The following DRC11 variants were observed in gnomAD, a reference collection of about 807,000 sequenced individuals.
DRC11 encodes the protein IQ and AAA domain-containing protein 1.
At chr2:236,329,397 G>A in the DRC11 span, among the ~76,000 whole-genome samples, 2 of 152,176 alleles carry the variant, frequency 1.3e-5, no homozygotes, top group Non-Finnish European at 2.9e-5. Flanking sequence ...AAATGAGTCA[G>A]TACAGTGGCT....
At chr2:236,407,709 C>T in the DRC11 span, 1 of 265,510 alleles carries the variant, frequency 3.8e-6, no homozygotes, top group East Asian at 9.9e-5. Context: ...ATCATTTCCC[C>T]CCTGTGATCC....
the DRC11 span, among the ~76,000 whole-genome samples, chr2:236,357,995 TG>T: frequency 6.0e-5 from 7 of 116,042 alleles, no homozygotes; most frequent in South Asian, 2.6e-4. Context: ...TAAATATATA[TG>T]AATATATATT....
At chr2:236,422,337 C>T in the DRC11 span, among the ~76,000 whole-genome samples, 1 of 152,204 alleles carries the variant, frequency 6.6e-6, no homozygotes, top group Non-Finnish European at 1.5e-5. Flanking sequence ...TCTCCTTAAG[C>T]TGATAGGCAA....
chr2:236,482,537 T>C, the DRC11 span, among the ~76,000 whole-genome samples: 1 of 152,218 alleles, frequency 6.6e-6, no homozygotes, highest in Non-Finnish European at 1.5e-5. The surrounding 1 kb of genome is among the most constrained non-coding windows in gnomAD (Gnocchi z 4.5). Flanking sequence ...ACCTTGTCAA[T>C]AATTATAATT....
chr2:236,326,143 A>G, the DRC11 span, among the ~76,000 whole-genome samples: 1 of 152,180 alleles, frequency 6.6e-6, no homozygotes, highest in African/African-American at 2.4e-5. Flanking sequence ...ATCTAGGTAT[A>G]GATTTATTTG....
At chr2:236,491,948 AT>A in the DRC11 span, among the ~76,000 whole-genome samples, 1 of 152,184 alleles carries the variant, frequency 6.6e-6, no homozygotes, top group Non-Finnish European at 1.5e-5. Flanking sequence ...TGATAAGGTC[AT>A]GAGGCCTCTG....
the DRC11 span, among the ~76,000 whole-genome samples, chr2:236,416,431 T>C: frequency 6.6e-6 from 1 of 151,878 alleles, no homozygotes; most frequent in Non-Finnish European, 1.5e-5. Flanking sequence ...GCCTTGGTCC[T>C]GAAAGGGGTA....
chr2:236,420,045 ACTCAGTTTCCTCAG>A, the DRC11 span, among the ~76,000 whole-genome samples: 1 of 152,112 alleles, frequency 6.6e-6, no homozygotes, highest in African/African-American at 2.4e-5. The surrounding 1 kb of genome is among the most constrained non-coding windows in gnomAD (Gnocchi z 4.8). Flanking sequence ...GCTCTCTGAG[ACTCAGTTTCCTCAG>A]CTCTAAAAGG....
the DRC11 span, among the ~76,000 whole-genome samples, chr2:236,357,680 TTA>T: frequency 3.1e-3 from 333 of 109,156 alleles, 2 homozygotes; most frequent in African/African-American, 0.011. Context: ...AAATATATAT[TTA>T]CAATATGTAA....
At chr2:236,406,724 G>A in the DRC11 span, among the ~76,000 whole-genome samples, 2 of 151,400 alleles carry the variant, frequency 1.3e-5, no homozygotes, top group Admixed American at 6.6e-5. This position sits in a 1 kb window ranked among gnomAD's most constrained non-coding sequence, Gnocchi z 4.7. Context: ...AACTAAACTT[G>A]AAAAACAGAT....
At chr2:236,445,267 G>A in the DRC11 span, among the ~76,000 whole-genome samples, 1 of 152,066 alleles carries the variant, frequency 6.6e-6, no homozygotes, top group East Asian at 1.9e-4. This position sits in a 1 kb window ranked among gnomAD's most constrained non-coding sequence, Gnocchi z 4.8. Flanking sequence ...CACATCGACT[G>A]TCATACTAAG....
chr2:236,318,577 TTGTG>T, the DRC11 span, among the ~76,000 whole-genome samples: 1 of 151,674 alleles, frequency 6.6e-6, no homozygotes, highest in African/African-American at 2.4e-5. The surrounding 1 kb of genome is among the most constrained non-coding windows in gnomAD (Gnocchi z 7.0). Context: ...ATGTGTGTGT[TTGTG>T]TGTACATGTA....
At chr2:236,497,933 C>T in the DRC11 span, among the ~76,000 whole-genome samples, 1 of 152,084 alleles carries the variant, frequency 6.6e-6, no homozygotes, top group East Asian at 1.9e-4. This position sits in a 1 kb window ranked among gnomAD's most constrained non-coding sequence, Gnocchi z 5.1. Flanking sequence ...AATAATTATA[C>T]CCTAGAGAAA....
chr2:236,356,252 C>T, the DRC11 span, among the ~76,000 whole-genome samples: 8 of 152,234 alleles, frequency 5.3e-5, no homozygotes, highest in South Asian at 2.1e-4. Context: ...TCCTTCCCTG[C>T]GCCCTGCCCT....
chr2:236,495,468 C>T, the DRC11 span, among the ~76,000 whole-genome samples: 1 of 152,224 alleles, frequency 6.6e-6, no homozygotes, highest in Non-Finnish European at 1.5e-5. The surrounding 1 kb of genome is among the most constrained non-coding windows in gnomAD (Gnocchi z 5.6). Flanking sequence ...ATCCCTGAAA[C>T]CTTGAGGTTT....
the DRC11 span, among the ~76,000 whole-genome samples, chr2:236,396,544 G>A: frequency 1.3e-5 from 2 of 152,240 alleles, no homozygotes; most frequent in East Asian, 1.9e-4. Flanking sequence ...CACAAAAGGC[G>A]TGGACAGTTT....
At chr2:236,467,131 C>T in the DRC11 span, among the ~76,000 whole-genome samples, 15 of 152,156 alleles carry the variant, frequency 9.9e-5, no homozygotes, top group Middle Eastern at 3.2e-3. Context: ...TTTTGAAAGT[C>T]CATCAAAATG....
chr2:236,491,137 A>AG, the DRC11 span, among the ~76,000 whole-genome samples: 2 of 106,476 alleles, frequency 1.9e-5, no homozygotes, highest in African/African-American at 8.5e-5. Flanking sequence ...ATATATATAT[A>AG]TACAGTATAT....
At chr2:236,376,877 G>A in the DRC11 span, among the ~76,000 whole-genome samples, 3 of 152,162 alleles carry the variant, frequency 2.0e-5, no homozygotes, top group African/African-American at 7.2e-5. The surrounding 1 kb of genome is among the most constrained non-coding windows in gnomAD (Gnocchi z 5.7). Flanking sequence ...CTTCTATTAC[G>A]TTAGGGGAGA....
Sources: gnomAD v4.1 joint callset for allele counts (sites outside exome capture counted in the v4.1 genomes callset) on GRCh38, gnomAD v4.1.1 for gene constraint, Gnocchi (gnomAD v3.1) non-coding constraint, MANE v1.5 for transcripts, NCBI Gene and HGNC (gene_info 2026-07-23, HGNC 2026-07-21) for gene names.